SCAI: variants seen among roughly 807,000 people sequenced by gnomAD.
SCAI encodes the protein protein SCAI.
A neutral mutation model predicts 92.2 loss-of-function variants in SCAI; 24 were observed. That is an observed-to-expected ratio of 0.26 (90% CI 0.19 to 0.37). The LOEUF (loss-of-function observed/expected upper bound fraction) is 0.37. Among genes scored for constraint, SCAI ranks in the 10% least tolerant of loss-of-function variants. SCAI has a pLI of 1.00. For missense variants in SCAI, 450 were observed against 736.2 expected, an observed-to-expected ratio of 0.61 and a Z score of 4.50; for synonymous variants, 261 against 258.6, an observed-to-expected ratio of 1.01 and a Z score of -0.09.
At chr9:125,073,121 T>C (rs1199763636) in intron 2 of SCAI, among the ~76,000 whole-genome samples, 1 of 129,264 alleles carries the variant, frequency 7.7e-6, no homozygotes, top group Admixed American at 7.7e-5. Context: ...TTTTTTTTTT[T>C]TGAGACGGAG....
At chr9:125,042,748 C>T (rs1248564553) in intron 3 of SCAI, among the ~76,000 whole-genome samples, 2 of 150,644 alleles carry the variant, frequency 1.3e-5, no homozygotes, top group Non-Finnish European at 3.0e-5. Context: ...CAAATTCAAA[C>T]CTTCTACCTC....
chr9:125,068,864 G>T (rs1375347513), intron 2 of SCAI, among the ~76,000 whole-genome samples: 1 of 152,048 alleles, frequency 6.6e-6, no homozygotes. Flanking sequence ...TGATCAGACT[G>T]AAAAGGTAAA....
At position 125,028,438 on chromosome 9, in the gene SCAI, T is replaced by C; in HGVS notation, c.367A>G (p.Ile123Val). ...DNRYGLKRWQ[I>V]GEIASKIGQL... Reference sequence around the variant, plus strand: ...CCAATCTTGGAAGCAATTTCTCCTATTTGCCAGCGCTTCAAGCCATACCGA... The same window carrying C: ...CCAATCTTGGAAGCAATTTCTCCTACTTGCCAGCGCTTCAAGCCATACCGA... Residue 123 changes from isoleucine to valine, a missense_variant, in exon 5 of 18, where the codon ATA becomes GTA. Coordinates refer to ENST00000336505, the MANE Select transcript of SCAI (RefSeq NM_001144877.3). The C allele has an allele frequency of 6.2e-7, 1 of 1,603,820 alleles. No individual in the cohort carries two copies. Among genetic ancestry groups the C allele is most frequent in the Non-Finnish European group, 8.5e-7 (1 of 1,175,904 alleles).
At chr9:125,023,798 C>T (rs538238348) in intron 6 of SCAI, among the ~76,000 whole-genome samples, 26 of 152,212 alleles carry the variant, frequency 1.7e-4, no homozygotes, top group Admixed American at 4.6e-4. Context: ...TGGGTGGGTG[C>T]TTTCTATTTT....
At chr9:125,047,016 C>G (rs934238279) in intron 3 of SCAI, among the ~76,000 whole-genome samples, 5 of 152,010 alleles carry the variant, frequency 3.3e-5, no homozygotes, top group African/African-American at 1.2e-4. Context: ...ACAGGCAGAA[C>G]AAACAGATAA....
chr9:125,131,569 C>T (rs1268526991), intron 2 of SCAI, among the ~76,000 whole-genome samples: 1 of 152,092 alleles, frequency 6.6e-6, no homozygotes, highest in Non-Finnish European at 1.5e-5. Flanking sequence ...TTTTTGAATG[C>T]CCTTGAAAAT....
chr9:124,962,441 G>A (rs898943047), intron 17 of SCAI, among the ~76,000 whole-genome samples: 4 of 152,098 alleles, frequency 2.6e-5, no homozygotes, highest in Admixed American at 6.6e-5. Context: ...GATTACAGGT[G>A]TGAGCTACTG....
At chr9:125,010,968 G>A (rs1174511043) in intron 9 of SCAI, among the ~76,000 whole-genome samples, 1 of 152,178 alleles carries the variant, frequency 6.6e-6, no homozygotes, top group African/African-American at 2.4e-5. Context: ...CTGCAGCTGA[G>A]GGTCCTGTCT....
At chr9:125,086,412 T>TA (rs1230492766) in intron 2 of SCAI, among the ~76,000 whole-genome samples, 1 of 152,204 alleles carries the variant, frequency 6.6e-6, no homozygotes, top group Non-Finnish European at 1.5e-5. Context: ...AGGGACTTGA[T>TA]ACTCTCCAAA....
intron 17 of SCAI, among the ~76,000 whole-genome samples, chr9:124,956,410 G>T (rs1831315772): frequency 6.6e-6 from 1 of 151,980 alleles, no homozygotes; most frequent in Non-Finnish European, 1.5e-5. Flanking sequence ...GTAGAGACAG[G>T]GTTTCTCCAT....
At chr9:125,007,191 T>C (rs1832528919) in intron 9 of SCAI, among the ~76,000 whole-genome samples, 1 of 152,132 alleles carries the variant, frequency 6.6e-6, no homozygotes, top group South Asian at 2.1e-4. Context: ...ATCAGATATA[T>C]AGTAATTATA....
At chr9:125,095,498 C>T (rs1042500536) in intron 2 of SCAI, among the ~76,000 whole-genome samples, 2 of 152,220 alleles carry the variant, frequency 1.3e-5, no homozygotes, top group South Asian at 2.1e-4. Flanking sequence ...TCCTACAATA[C>T]GTGTTCTCTC....
At position 125,003,111 on chromosome 9, in the gene SCAI, T is replaced by C. The variant is rs751902622; in HGVS notation, c.1065+3A>G. The C allele has an allele frequency of 3.1e-6, 5 of 1,597,834 alleles. No homozygotes were observed. Among genetic ancestry groups the C allele is most frequent in the African/African-American group, 2.7e-5 (2 of 74,718 alleles). On this transcript the variant is annotated splice_donor_region_variant and intron_variant, in intron 11 of 17. Transcript: ENST00000336505. ...ATAGTAAAAAGTACTGGATCACACA[T>C]ACCTTAAAAGACGCTGCTAAGAAGG...
intron 2 of SCAI, among the ~76,000 whole-genome samples, chr9:125,108,479 C>CCG (rs1379059924): frequency 2.0e-5 from 3 of 151,814 alleles, no homozygotes; most frequent in Non-Finnish European, 4.4e-5. Flanking sequence ...CGCCTCTGCC[C>CCG]CGCCGCCCCG....
At chr9:125,125,247 T>C (rs768853540) in intron 2 of SCAI, among the ~76,000 whole-genome samples, 4 of 151,534 alleles carry the variant, frequency 2.6e-5, no homozygotes, top group Non-Finnish European at 5.9e-5. Flanking sequence ...AATTTAAAAA[T>C]GAAGGCCAGG....
intron 3 of SCAI, among the ~76,000 whole-genome samples, chr9:125,050,110 A>G (rs553947111): frequency 6.6e-6 from 1 of 152,296 alleles, no homozygotes; most frequent in African/African-American, 2.4e-5. Context: ...AACAGTGAAA[A>G]AAATGCTAGA....
At chr9:125,019,268 G>C in intron 7 of SCAI, 63 bp from the exon 8 acceptor site, 1 of 885,272 alleles carries the variant, frequency 1.1e-6, no homozygotes, top group African/African-American at 1.7e-5. Context: ...CAGCCATATA[G>C]AACCATATTC....
chr9:124,991,384 G>C (rs1385557770), intron 14 of SCAI, among the ~76,000 whole-genome samples: 1 of 134,222 alleles, frequency 7.5e-6, no homozygotes, highest in Non-Finnish European at 1.6e-5. Flanking sequence ...AAAAATTAAC[G>C]AGTAATATTT....
intron 2 of SCAI, among the ~76,000 whole-genome samples, chr9:125,139,965 G>A (rs1031560994): frequency 3.9e-5 from 6 of 152,152 alleles, no homozygotes; most frequent in Middle Eastern, 3.4e-3. Flanking sequence ...GGTGGCTCAC[G>A]CCTGTAATCC....
Sources: gnomAD v4.1 joint callset for allele counts (sites outside exome capture counted in the v4.1 genomes callset) on GRCh38, gnomAD v4.1.1 for gene constraint, MANE v1.5 for transcripts, NCBI Gene and HGNC (gene_info 2026-07-23, HGNC 2026-07-21) for gene names.